EIF4ENIF1: variants seen among roughly 807,000 people sequenced by gnomAD.
The protein encoded by EIF4ENIF1 is eukaryotic translation initiation factor 4E nuclear import factor 1.
In EIF4ENIF1, 23 loss-of-function variants were observed where a neutral mutation model predicts 110.5. The ratio of observed to expected loss-of-function variants is 0.21; its 90% confidence interval spans 0.15 to 0.29. EIF4ENIF1 has a LOEUF of 0.29. Ranked by LOEUF, EIF4ENIF1 falls within the 10% of genes least tolerant of loss-of-function variation. The probability of loss-of-function intolerance (pLI) is 1.00; values close to 1 mark genes in which losing one functional copy is unlikely to be tolerated. For synonymous variants in EIF4ENIF1, 440 were observed against 437.0 expected (o/e 1.01, Z -0.09); for missense variants, 1,031 against 1,221.1 (o/e 0.84, Z 2.32).
chr22:31,442,103 G>A lies in EIF4ENIF1; in HGVS notation c.2222C>T (p.Ser741Phe), dbSNP rs779425613. 6.2e-7 allele frequency: 1 copy of A among 1,604,192 alleles called. No homozygotes were observed. Among genetic ancestry groups the A allele is most frequent in the Non-Finnish European group, 8.5e-7 (1 of 1,173,434 alleles). The change falls in exon 17 of 19, where the codon TCC becomes TTC. Residue 741 changes from serine (S) to phenylalanine (F), a missense_variant. This residue lies in a region of EIF4ENIF1 where 309 missense variants were observed against 299.1 expected (regional missense o/e 1.03). Coordinates refer to ENST00000330125, the MANE Select transcript of EIF4ENIF1 (RefSeq NM_019843.4). ...TCGATCGGCACTGGGTACAGAGCTG[G>A]ATGACAGGAGGTTTTCTGTGAGGAA... Reference protein sequence around the residue: ...QKASEENLLSSSSVPSADRDS... With the variant: ...QKASEENLLSFSSVPSADRDS...
Position 31,463,048 on chromosome 22 carries a change from G to C in EIF4ENIF1, c.671C>G (p.Ala224Gly). The stretch of plus-strand genomic sequence containing the variant: ...GGTTTCAGACTGACTTGTGGGTCCA[G>C]CAGAGAACCACTCTGGTTCTTCTTC... ...YTEEEPEWFS[A>G]GPTSQSETIE... The change falls in exon 6 of 19, where the codon GCT becomes GGT. Residue 224 changes from alanine to glycine, a missense_variant. This residue lies in a region of EIF4ENIF1 where 704 missense variants were observed against 879.7 expected (regional missense o/e 0.80). Coordinates refer to ENST00000330125, the MANE Select transcript of EIF4ENIF1 (RefSeq NM_019843.4). The C allele has an allele frequency of 1.2e-6, 2 of 1,614,092 alleles. No homozygotes were observed. Among genetic ancestry groups the C allele is most frequent in the Non-Finnish European group, 1.7e-6 (2 of 1,180,014 alleles).
intron 2 of EIF4ENIF1, among the ~76,000 whole-genome samples, chr22:31,478,906 C>T (rs1310055505): frequency 1.4e-4 from 21 of 148,748 alleles, no homozygotes; most frequent in African/African-American, 5.2e-4. Flanking sequence ...GAGCTGAGAT[C>T]GCACCACTGC....
At chr22:31,492,483 C>G (rs908417906), upstream of EIF4ENIF1, among the ~76,000 whole-genome samples, 1 of 152,154 alleles carries the variant, frequency 6.6e-6, no homozygotes, top group African/African-American at 2.4e-5. Flanking sequence ...TACTTAGGAC[C>G]TACTTTTCCA....
At chr22:31,442,435 C>T (rs1360609111) in intron 16 of EIF4ENIF1, among the ~76,000 whole-genome samples, 2 of 152,120 alleles carry the variant, frequency 1.3e-5, no homozygotes, top group East Asian at 3.9e-4. Flanking sequence ...TTCCTCCCCA[C>T]CACCCACCCC....
At position 31,450,844 on chromosome 22, in the gene EIF4ENIF1, TACACACACACACACACAC is replaced by T. The variant is rs372740127; in HGVS notation, c.1513-502_1513-485del. ...CATACATACACACATATATATATAC[TACACACACACACACACAC>T]ACACACACACACACACACACACACA... On this transcript the variant is annotated intron_variant, in intron 10 of 18. Coordinates refer to ENST00000330125, the MANE Select transcript of EIF4ENIF1 (RefSeq NM_019843.4). The T allele has an allele frequency of 7.7e-3, 930 of 121,104 alleles. 5 individuals are homozygous for T. Among genetic ancestry groups the T allele is most frequent in the African/African-American group, 0.028 (843 of 29,792 alleles). The allele number at this position is 121,104 out of a possible 1,614,324, so 7.5% of individuals were successfully genotyped here. A position where few individuals can be genotyped will look rare whatever the true frequency, so the allele number is the denominator to read the frequency against.
rs115463577 is a variant in EIF4ENIF1, at chr22:31,440,981, C to T, written c.2552-113G>A. 74 of 1,401,884 alleles carry T rather than the reference C, an allele frequency of 5.3e-5. No individual in the cohort carries two copies. The East Asian group carries it at 6.2e-4, about 12-fold the overall frequency. The allele number at this position is 1,401,884 out of a possible 1,614,324, so 86.8% of individuals were successfully genotyped here. On this transcript the variant is annotated intron_variant, in intron 17 of 18. Coordinates refer to ENST00000330125, the MANE Select transcript of EIF4ENIF1 (RefSeq NM_019843.4). ...AGTTTGTTAAGAATGAAGGGCTCTG[C>T]GCAGTGGCTCACGCCTGTAATCCCC...
chr22:31,448,764 T>A (rs1340173743), intron 12 of EIF4ENIF1, among the ~76,000 whole-genome samples: 1 of 152,224 alleles, frequency 6.6e-6, no homozygotes, highest in Non-Finnish European at 1.5e-5. Flanking sequence ...GCCATAAGAC[T>A]TAACAGCAGA....
intron 2 of EIF4ENIF1, among the ~76,000 whole-genome samples, chr22:31,475,269 A>G (rs1051605684): frequency 1.2e-5 from 1 of 81,572 alleles, no homozygotes; most frequent in Non-Finnish European, 3.0e-5. Flanking sequence ...AAAATTCTGA[A>G]AAAAAACTGT....
intron 8 of EIF4ENIF1, 22 bp from the exon 9 acceptor site, chr22:31,455,337 C>G (rs769271590): frequency 4.7e-6 from 7 of 1,503,184 alleles, no homozygotes; most frequent in South Asian, 4.3e-5. Flanking sequence ...AATAAACATA[C>G]TCAAAATTAA....
downstream of EIF4ENIF1, chr22:31,439,349 C>CACA (rs2050224049): frequency 6.5e-6 from 1 of 153,574 alleles, no homozygotes; most frequent in African/African-American, 2.4e-5. Flanking sequence ...AGGAAATAAA[C>CACA]ACAACAATGT....
rs576143431 is a variant in EIF4ENIF1, at chr22:31,448,237, C to T, written c.1769-5G>A. 2,208 of 1,614,002 alleles carry T rather than the reference C, an allele frequency of 1.4e-3. 48 individuals carry two copies. The South Asian group carries it at 0.023, about 17-fold the overall frequency. On this transcript the variant is annotated splice_polypyrimidine_tract_variant and splice_region_variant and intron_variant, in intron 12 of 18. Transcript: ENST00000330125. ...GCTGTGGTCCTGGTGTGAAACCTGT[C>T]GGGAAAGTTAGTCTCAGTGAGTACC...
Position 31,440,773 on chromosome 22 carries a change from G to A in EIF4ENIF1, c.2647C>T (p.Pro883Ser). 6.2e-7 allele frequency: 1 copy of A among 1,613,980 alleles called. No homozygotes were observed. Among genetic ancestry groups the A allele is most frequent in the Admixed American group, 1.7e-5 (1 of 60,010 alleles). ...GTTCCAGGACGAGGGTTTAAGAGAGGGTGACTAGCAGCAGGTAAAGGGTAA... is the reference window on the plus strand; with the variant it reads ...GTTCCAGGACGAGGGTTTAAGAGAGAGTGACTAGCAGCAGGTAAAGGGTAA... ...PFYPLPAASH[P>S]LLNPRPGTPL... Residue 883 changes from proline to serine, a missense_variant, in exon 18 of 19, where the codon CCT becomes TCT. Transcript: ENST00000330125.
At chr22:31,459,948 T>TG (rs745961638) in intron 6 of EIF4ENIF1, among the ~76,000 whole-genome samples, 7 of 152,192 alleles carry the variant, frequency 4.6e-5, no homozygotes, top group Non-Finnish European at 1.0e-4. Context: ...TCCTGACTCC[T>TG]GCACTTGATA....
chr22:31,440,016 A>G lies in EIF4ENIF1; in HGVS notation c.2822T>C (p.Leu941Pro), dbSNP rs142985123. Residue 941 changes from leucine to proline, a missense_variant, in exon 19 of 19, where the codon CTG (leucine) becomes CCG (proline). By Grantham distance (98) the Leu-to-Pro change is moderately conservative (BLOSUM62 -3). Around this residue, in one of 3 missense-constraint regions of EIF4ENIF1, gnomAD observed 309 missense variants for 299.1 expected, o/e 1.03. Coordinates refer to ENST00000330125, the MANE Select transcript of EIF4ENIF1 (RefSeq NM_019843.4). ...RSGLPHMHSQ[L>P]EHRPSQRSSS... ...GCTCCTCTGGCTGGGGCGATGCTCC[A>G]GCTGGGAGTGCATGTGGGGCAGGCC... 23 of 1,613,868 alleles carry G rather than the reference A, an allele frequency of 1.4e-5. No individual in the cohort carries two copies. In the African/African-American group the frequency reaches 2.9e-4, roughly 21 times the overall value.
intron 6 of EIF4ENIF1, among the ~76,000 whole-genome samples, chr22:31,459,756 T>TTTTATTTGTC (rs1402617821): frequency 2.0e-4 from 30 of 151,978 alleles, no homozygotes; most frequent in Non-Finnish European, 1.2e-4. Flanking sequence ...TTTTTAATGT[T>TTTTATTTGTC]TTTATTTATT....
Position 31,449,334 on chromosome 22 carries a change from A to AT in EIF4ENIF1, c.1768+13dup. The AT allele has an allele frequency of 6.2e-7, 1 of 1,611,122 alleles. No homozygotes were observed. The highest frequency in any genetic ancestry group is 8.5e-7 in the Non-Finnish European group (1 of 1,178,630). On this transcript the variant is annotated intron_variant, in intron 12 of 18. Coordinates refer to ENST00000330125, the MANE Select transcript of EIF4ENIF1 (RefSeq NM_019843.4). The stretch of plus-strand genomic sequence containing the variant: ...CATAAATTCATATTTCTTTTGACAA[A>AT]TAAGTATATTTACCAATTGGTGATG...
At chr22:31,448,106 G>C (rs776800260) in intron 13 of EIF4ENIF1, 47 bp downstream of exon 13, 9 of 1,596,482 alleles carry the variant, frequency 5.6e-6, no homozygotes, top group Non-Finnish European at 7.7e-6. Context: ...TGCACCAAGA[G>C]GGTGAAGGGC....
chr22:31,438,269 C>T (rs2050202198), downstream of EIF4ENIF1, among the ~76,000 whole-genome samples: 1 of 152,152 alleles, frequency 6.6e-6, no homozygotes, highest in African/African-American at 2.4e-5. Context: ...ACTGAAAAAC[C>T]TCCAGTTAGG....
chr22:31,469,380 T>C (rs2051288841), intron 3 of EIF4ENIF1, among the ~76,000 whole-genome samples: 1 of 152,230 alleles, frequency 6.6e-6, no homozygotes, highest in African/African-American at 2.4e-5. Flanking sequence ...GATTATATCC[T>C]TCCATAGACC....
Sources: allele counts gnomAD v4.1 joint callset (sites outside exome capture counted in the v4.1 genomes callset), GRCh38; gene constraint gnomAD v4.1.1; regional missense constraint gnomAD v4.1.1; transcripts MANE v1.5; gene names NCBI Gene and HGNC (gene_info 2026-07-23, HGNC 2026-07-21).